DPP6: variants seen among roughly 807,000 people sequenced by gnomAD.
DPP6 encodes the protein A-type potassium channel modulatory protein DPP6.
A neutral mutation model predicts 122.6 loss-of-function variants in DPP6; 69 were observed. The ratio of observed to expected loss-of-function variants is 0.56; its 90% CI spans 0.46 to 0.69. The LOEUF (loss-of-function observed/expected upper bound fraction) is 0.69. Ranked by LOEUF, DPP6 falls within the 30% of genes least tolerant of loss-of-function variation. DPP6 has a pLI of 0.00. For missense variants in DPP6, 928 were observed against 1,116.9 expected, an observed-to-expected ratio of 0.83 and a Z score of 2.41; for synonymous variants, 418 against 433.1, an observed-to-expected ratio of 0.97 and a Z score of 0.43.
the DPP6 span, among the ~76,000 whole-genome samples, chr7:153,801,069 A>T: frequency 6.6e-6 from 1 of 151,088 alleles, no homozygotes; most frequent in Admixed American, 6.6e-5. Flanking sequence ...AAACTGCAGC[A>T]AATGCAGAAA....
chr7:153,974,282 C>T (rs942886870), intron 1 of DPP6, among the ~76,000 whole-genome samples: 11 of 152,088 alleles, frequency 7.2e-5, no homozygotes, highest in African/African-American at 2.7e-4. Context: ...GGCAGATGCC[C>T]GGCAAGCATG....
chr7:154,305,381 C>G (rs147504439), intron 1 of DPP6: 8,999 of 899,828 alleles, frequency 0.01, 48 homozygotes, highest in Admixed American at 0.014. Flanking sequence ...CTTGTGATTT[C>G]GGAAGTATGG....
intron 1 of DPP6, among the ~76,000 whole-genome samples, chr7:154,123,099 G>A (rs1045702488): frequency 6.6e-6 from 1 of 152,184 alleles, no homozygotes; most frequent in Non-Finnish European, 1.5e-5. Context: ...TTTATAACAG[G>A]GGAAAATGAG....
intron 2 of DPP6, among the ~76,000 whole-genome samples, chr7:154,468,967 C>T (rs1325512248): frequency 1.3e-4 from 20 of 151,994 alleles, no homozygotes; most frequent in Non-Finnish European, 1.9e-4. Flanking sequence ...AAAAAGTAAG[C>T]GAAAATACAA....
intron 16 of DPP6, among the ~76,000 whole-genome samples, chr7:154,816,974 A>G (rs2150487988): frequency 6.6e-6 from 1 of 152,156 alleles, no homozygotes; most frequent in South Asian, 2.1e-4. Flanking sequence ...TTAAGAAGTA[A>G]ATTTCCAGCT....
the DPP6 span, among the ~76,000 whole-genome samples, chr7:153,881,061 G>A: frequency 0.47 from 70,725 of 151,984 alleles, 16,469 homozygotes; most frequent in South Asian, 0.56. Flanking sequence ...TTAATATGTC[G>A]ATTCTTAGTT....
the DPP6 span, among the ~76,000 whole-genome samples, chr7:153,867,242 G>A: frequency 6.6e-6 from 1 of 152,150 alleles, no homozygotes; most frequent in Non-Finnish European, 1.5e-5. Context: ...ACCTTGGGCA[G>A]TATGGCCATT....
At chr7:154,284,426 G>A (rs1804717276) in intron 1 of DPP6, among the ~76,000 whole-genome samples, 1 of 152,124 alleles carries the variant, frequency 6.6e-6, no homozygotes, top group Non-Finnish European at 1.5e-5. Context: ...TAACCAAAAG[G>A]GGGAAACAAC....
chr7:154,496,966 C>T (rs1354322419), intron 3 of DPP6, among the ~76,000 whole-genome samples: 1 of 152,132 alleles, frequency 6.6e-6, no homozygotes, highest in Non-Finnish European at 1.5e-5. Flanking sequence ...CTGGCTCATC[C>T]ATTCACTCAT....
chr7:154,725,162 G>C (rs974494675), intron 7 of DPP6, among the ~76,000 whole-genome samples: 2 of 152,086 alleles, frequency 1.3e-5, no homozygotes, highest in African/African-American at 4.8e-5. Context: ...TGCAGAGTAG[G>C]TGCCCACTGC....
chr7:154,210,509 T>A (rs1799682938), intron 1 of DPP6, among the ~76,000 whole-genome samples: 1 of 152,204 alleles, frequency 6.6e-6, no homozygotes, highest in Admixed American at 6.5e-5. Flanking sequence ...GATTCTATGA[T>A]TAATACCTAG....
the DPP6 span, among the ~76,000 whole-genome samples, chr7:153,762,540 G>A: frequency 6.6e-6 from 1 of 152,034 alleles, no homozygotes; most frequent in Non-Finnish European, 1.5e-5. Flanking sequence ...GGAGGCCAAG[G>A]CGTGTGGATC....
chr7:154,274,013 A>G lies in DPP6; in HGVS notation c.244-172201A>G, dbSNP rs117805335. 1.4e-3 allele frequency among the ~76,000 whole-genome samples: 215 copies of G among 152,300 alleles called. 1 individual carries two copies. The East Asian group carries it at 0.033, about 23-fold the overall frequency. Reference sequence around the variant, plus strand: ...TCATAAAGCCAGGAAGCCAGACAACAGTGTCTTGTTGAGGGTTGGCTGTAC... The same window carrying G: ...TCATAAAGCCAGGAAGCCAGACAACGGTGTCTTGTTGAGGGTTGGCTGTAC... On this transcript the variant is annotated intron_variant, in intron 1 of 25. Coordinates refer to ENST00000377770, the MANE Select transcript of DPP6 (RefSeq NM_130797.4).
intron 1 of DPP6, among the ~76,000 whole-genome samples, chr7:154,181,440 C>T (rs768157925): frequency 3.3e-5 from 5 of 152,244 alleles, no homozygotes; most frequent in Non-Finnish European, 7.4e-5. Flanking sequence ...TTATGTAAGA[C>T]ATGACCCTCT....
intron 7 of DPP6, among the ~76,000 whole-genome samples, chr7:154,722,923 T>C (rs1391495189): frequency 2.0e-5 from 3 of 152,188 alleles, no homozygotes; most frequent in Non-Finnish European, 4.4e-5. Context: ...AGGCAGAACT[T>C]GATGCCTTCC....
At chr7:153,916,362 C>A (rs1228401251) in intron 1 of DPP6, among the ~76,000 whole-genome samples, 7 of 144,144 alleles carry the variant, frequency 4.9e-5, no homozygotes, top group Non-Finnish European at 1.1e-4. Context: ...CCCTCCTGTC[C>A]CCTCCTATCT....
chr7:154,086,605 AC>A (rs1272534216), intron 1 of DPP6, among the ~76,000 whole-genome samples: 2 of 147,086 alleles, frequency 1.4e-5, no homozygotes, highest in South Asian at 4.3e-4. Flanking sequence ...AGCAGAAACA[AC>A]CACAGAGCTT....
intron 1 of DPP6, among the ~76,000 whole-genome samples, chr7:154,203,898 G>A (rs550766913): frequency 6.6e-6 from 1 of 152,252 alleles, no homozygotes; most frequent in South Asian, 2.1e-4. Flanking sequence ...ATCTATTTTT[G>A]TGTGTTTTTG....
chr7:153,760,422 T>C, the DPP6 span, among the ~76,000 whole-genome samples: 1 of 152,164 alleles, frequency 6.6e-6, no homozygotes, highest in Non-Finnish European at 1.5e-5. Context: ...TGTATTGTTT[T>C]GCTTCTCTGC....
Sources: allele counts gnomAD v4.1 joint callset (sites outside exome capture counted in the v4.1 genomes callset), GRCh38; gene constraint gnomAD v4.1.1; transcripts MANE v1.5; gene names NCBI Gene and HGNC (gene_info 2026-07-23, HGNC 2026-07-21).